CAMK2A: variants seen among roughly 807,000 people sequenced by gnomAD.
CAMK2A encodes calcium/calmodulin dependent protein kinase II alpha, also known as calcium/calmodulin-dependent protein kinase type II subunit alpha.
CAMK2A carries 7 observed loss-of-function variants against 79.2 expected under a neutral mutation model. That is an observed-to-expected ratio of 0.09 (90% CI 0.05 to 0.17). The LOEUF (loss-of-function observed/expected upper bound fraction) is 0.17. Ranked by LOEUF, CAMK2A falls within the 10% of genes least tolerant of loss-of-function variation. CAMK2A has a pLI of 1.00. For missense variants in CAMK2A, 214 were observed against 646.4 expected, an observed-to-expected ratio of 0.33 and a Z score of 7.25; for synonymous variants, 242 against 251.7, an observed-to-expected ratio of 0.96 and a Z score of 0.36.
chr5:150,242,320 A>G (rs1007127380), intron 13 of CAMK2A, among the ~76,000 whole-genome samples: 2 of 152,186 alleles, frequency 1.3e-5, no homozygotes, highest in Non-Finnish European at 2.9e-5. Context: ...TCTTAGAATC[A>G]CATGTGGAAG....
In CAMK2A at chr5:150,223,603, G is replaced by A. The variant is rs1385215727; in HGVS notation, c.1238-386C>T. ...GCACATAAACAACGGGGGCTGAGCTGGGTATAAGATGCTAAATGACAACTG... is the reference window on the plus strand; with the variant it reads ...GCACATAAACAACGGGGGCTGAGCTAGGTATAAGATGCTAAATGACAACTG... On this transcript the variant is annotated intron_variant, in intron 17 of 18. Transcript: ENST00000671881. The surrounding 1 kb of genome is among the most constrained non-coding windows in gnomAD (Gnocchi z 4.1). Among the ~76,000 whole-genome samples the A allele has an allele frequency of 6.6e-6, 1 of 152,166 alleles. No individual in the cohort carries two copies. The highest frequency in any genetic ancestry group is 2.4e-5 in the African/African-American group (1 of 41,424).
intron 1 of CAMK2A, among the ~76,000 whole-genome samples, chr5:150,286,447 T>C (rs745539829): frequency 2.0e-5 from 3 of 152,204 alleles, no homozygotes; most frequent in Non-Finnish European, 2.9e-5. Context: ...AGGCCTGCAG[T>C]CCTGAGCCAG....
chr5:150,227,914 T>C (rs968315017), intron 17 of CAMK2A, among the ~76,000 whole-genome samples: 1 of 151,936 alleles, frequency 6.6e-6, no homozygotes, highest in African/African-American at 2.4e-5. Context: ...CCTCCCAGGG[T>C]CATGGGCAGG....
intron 1 of CAMK2A, among the ~76,000 whole-genome samples, chr5:150,278,232 G>A: frequency 6.6e-6 from 1 of 152,156 alleles, no homozygotes; most frequent in Non-Finnish European, 1.5e-5. Flanking sequence ...AATGAGGCAA[G>A]GAAAGGGGCT....
chr5:150,277,135 G>A (rs1385041082), intron 1 of CAMK2A, among the ~76,000 whole-genome samples: 1 of 152,174 alleles, frequency 6.6e-6, no homozygotes, highest in South Asian at 2.1e-4. Flanking sequence ...GATCACTTAA[G>A]TGCCAGAGTG....
rs1756068720 is a variant in CAMK2A at position 150,256,609 on chromosome 5, G to A, written c.375C>T (p.His125=). 6.2e-7 allele frequency: 1 copy of A among 1,613,968 alleles called. No homozygotes were observed. Among genetic ancestry groups the A allele is most frequent in the Non-Finnish European group, 8.5e-7 (1 of 1,180,016 alleles). ...CIQQILEAVL[H]CHQMGVVHRD... is the part of the protein sequence containing the mutation. ...GGTGCACCACCCCCATCTGGTGGCA[G>A]TGCAGCACAGCCTCCAGGATCTGCT... The change falls in exon 6 of 19, where the codon CAC becomes CAT. Residue 125 remains histidine (H), a synonymous_variant. Transcript: ENST00000671881. The surrounding 1 kb of genome is among the most constrained non-coding windows in gnomAD (Gnocchi z 4.6).
intron 3 of CAMK2A, among the ~76,000 whole-genome samples, chr5:150,263,295 G>A (rs1045180668): frequency 3.3e-5 from 5 of 152,084 alleles, no homozygotes; most frequent in Admixed American, 6.6e-5. Flanking sequence ...AACATGAGGA[G>A]GCAGTGTTGA....
intron 2 of CAMK2A, 47 bp downstream of exon 2, chr5:150,273,018 G>A: frequency 1.4e-6 from 2 of 1,438,784 alleles, no homozygotes; most frequent in Non-Finnish European, 2.0e-6. Context: ...GGTAAGGGGA[G>A]AGAGGAGAGC....
chr5:150,241,676 C>A (rs1416463921), intron 13 of CAMK2A, among the ~76,000 whole-genome samples: 1 of 149,440 alleles, frequency 6.7e-6, no homozygotes, highest in Non-Finnish European at 1.5e-5. Flanking sequence ...CTCCCTTCCT[C>A]TTCCCTCTCC....
At chr5:150,272,351 G>A (rs1433003105) in intron 2 of CAMK2A, among the ~76,000 whole-genome samples, 1 of 152,196 alleles carries the variant, frequency 6.6e-6, no homozygotes, top group Non-Finnish European at 1.5e-5. Context: ...GATCATCTGA[G>A]GTCAAGAGTT....
At chr5:150,275,188 C>T (rs6896910) in intron 1 of CAMK2A, among the ~76,000 whole-genome samples, 22,187 of 152,226 alleles carry the variant, frequency 0.15, 1,930 homozygotes, top group East Asian at 0.31. Context: ...GGGCCTCACA[C>T]AGCTGTGGCT....
intron 17 of CAMK2A, among the ~76,000 whole-genome samples, chr5:150,224,927 G>C (rs1562129470): frequency 6.6e-6 from 1 of 152,022 alleles, no homozygotes; most frequent in African/African-American, 2.4e-5. Context: ...TTAGGAGACT[G>C]AGGCAGGTGG....
In CAMK2A at chr5:150,256,662, G is replaced by A; in HGVS notation, c.339-17C>T. The A allele has an allele frequency of 6.2e-7, 1 of 1,611,832 alleles. No homozygotes were observed. The highest frequency in any genetic ancestry group is 8.5e-7 in the Non-Finnish European group (1 of 1,177,952). On this transcript the variant is annotated splice_polypyrimidine_tract_variant and intron_variant, in intron 5 of 18. Coordinates refer to ENST00000671881, the MANE Select transcript of CAMK2A (RefSeq NM_015981.4). The surrounding 1 kb of genome is among the most constrained non-coding windows in gnomAD (Gnocchi z 4.6). ...ATACAGTGACTAGGGAGAGAGAGAGGAAGGGGTCATGGTGGTGTGAGCACA... is the reference window on the plus strand; with the variant it reads ...ATACAGTGACTAGGGAGAGAGAGAGAAAGGGGTCATGGTGGTGTGAGCACA...
chr5:150,252,111 C>G, intron 7 of CAMK2A, 46 bp from the exon 8 acceptor site: 1 of 1,435,240 alleles, frequency 7.0e-7, no homozygotes, highest in Non-Finnish European at 9.8e-7. Context: ...CAGAGGTTGT[C>G]TCGTAAGTAA....
At chr5:150,245,325 G>A (rs1451430545) in intron 12 of CAMK2A, 124 bp from the exon 13 acceptor site, 5 of 778,722 alleles carry the variant, frequency 6.4e-6, no homozygotes, top group South Asian at 1.7e-5. Flanking sequence ...CTGGCCCAGC[G>A]ATCCTGGGGG....
At chr5:150,278,025 A>G (rs2150306060) in intron 1 of CAMK2A, among the ~76,000 whole-genome samples, 1 of 152,356 alleles carries the variant, frequency 6.6e-6, no homozygotes, top group African/African-American at 2.4e-5. Context: ...GGTCACAAAG[A>G]CCTGTAGTCC....
intron 1 of CAMK2A, among the ~76,000 whole-genome samples, chr5:150,283,749 C>T (rs1271089847): frequency 1.3e-5 from 2 of 152,164 alleles, no homozygotes; most frequent in Non-Finnish European, 2.9e-5. Context: ...TTGTGAGCCC[C>T]GTGAGGCAGA....
chr5:150,259,476 T>G (rs1756210583), intron 3 of CAMK2A, among the ~76,000 whole-genome samples: 1 of 151,930 alleles, frequency 6.6e-6, no homozygotes, highest in Non-Finnish European at 1.5e-5. Flanking sequence ...GAGCCAAGAT[T>G]GCCCCACTGC....
chr5:150,255,806 G>A (rs1756031059), intron 6 of CAMK2A, among the ~76,000 whole-genome samples: 1 of 152,224 alleles, frequency 6.6e-6, no homozygotes, highest in African/African-American at 2.4e-5. Flanking sequence ...GGGTTAGAAG[G>A]CCAGAATTCC....
Sources: allele counts gnomAD v4.1 joint callset (sites outside exome capture counted in the v4.1 genomes callset), GRCh38; gene constraint gnomAD v4.1.1; non-coding constraint Gnocchi (gnomAD v3.1); transcripts MANE v1.5; gene names NCBI Gene and HGNC (gene_info 2026-07-23, HGNC 2026-07-21).